Variants in ILDR2 observed in about 807,000 individuals in gnomAD.
ILDR2 encodes the protein immunoglobulin-like domain-containing receptor 2.
In ILDR2, 25 loss-of-function variants were observed where a neutral mutation model predicts 66.8. The ratio of observed to expected loss-of-function variants is 0.37; its 90% CI spans 0.27 to 0.52. The LOEUF (loss-of-function observed/expected upper bound fraction) is 0.52, where lower values mean the gene tolerates loss of function less well. Among genes scored for constraint, ILDR2 ranks in the 20% least tolerant of loss-of-function variants. The pLI is 0.88. For missense variants in ILDR2, 827 were observed against 876.8 expected, an observed-to-expected ratio of 0.94 and a Z score of 0.72; for synonymous variants, 367 against 357.2, an observed-to-expected ratio of 1.03 and a Z score of -0.31.
In ILDR2 at chr1:166,958,400, G is replaced by A. The variant is rs531476986; in HGVS notation, c.47-299C>T. Among the ~76,000 whole-genome samples, 11 of 152,190 alleles carry A rather than the reference G, an allele frequency of 7.2e-5. No individual in the cohort carries two copies. In the South Asian group the frequency reaches 2.1e-3, roughly 29 times the overall value. On this transcript the variant is annotated intron_variant, in intron 1 of 9. Coordinates refer to ENST00000271417, the MANE Select transcript of ILDR2 (RefSeq NM_199351.3). ...GTGCTGTTCTCGTGGTAGGGAGTGA[G>A]TTCTCACGAGATCTGATGGTTTAAA... is the stretch of plus-strand genomic sequence containing the variant.
At position 166,920,734 on chromosome 1, in the gene ILDR2, C is replaced by T; in HGVS notation, c.1857G>A (p.Lys619=). Residue 619 remains lysine (K), a synonymous_variant, in exon 9 of 10, where the codon AAG becomes AAA. Coordinates refer to ENST00000271417, the MANE Select transcript of ILDR2 (RefSeq NM_199351.3). ...DLPYHSNSEK[K]RKKEPAKKTN... ...TTTTCTTGGCGGGCTCCTTTTTCCT[C>T]TTCTTCTCCGAGTTGCTGTGGTAGG... 6.9e-7 allele frequency: 1 copy of T among 1,448,662 alleles called. No individual in the cohort carries two copies. The highest frequency in any genetic ancestry group is 9.1e-7 in the Non-Finnish European group (1 of 1,098,196). 89.7% of individuals were successfully genotyped at this position (1,448,662 alleles called of 1,614,324 possible).
chr1:166,919,239 G>T lies in ILDR2; in HGVS notation c.*116C>A. ...CCATCCCTTGCCAAAGCAGAGATCA[G>T]CAAATCTTCCAAGGTGATGGCCAGA... On this transcript the variant is annotated 3_prime_UTR_variant, in exon 10 of 10. Coordinates refer to ENST00000271417, the MANE Select transcript of ILDR2 (RefSeq NM_199351.3). The T allele has an allele frequency of 3.1e-6, 3 of 980,934 alleles. No homozygotes were observed. The highest frequency in any genetic ancestry group is 4.7e-6 in the Non-Finnish European group (3 of 633,146). The allele number at this position is 980,934 out of a possible 1,614,324, so 60.8% of individuals were successfully genotyped here. A position where few individuals can be genotyped will look rare whatever the true frequency, so the allele number is the denominator to read the frequency against.
chr1:166,954,668 A>G (rs1281488215), intron 3 of ILDR2, among the ~76,000 whole-genome samples: 1 of 152,124 alleles, frequency 6.6e-6, no homozygotes, highest in Non-Finnish European at 1.5e-5. Context: ...CTTTAGAGTA[A>G]TACTGATTTT....
chr1:166,943,714 G>A (rs563508041), intron 3 of ILDR2: 20 of 501,624 alleles, frequency 4.0e-5, no homozygotes, highest in African/African-American at 3.8e-4. Flanking sequence ...ATGAAGGCCT[G>A]ATCTTACAGA....
rs192807006 is a variant in ILDR2 at position 166,928,662 on chromosome 1, C to T, written c.881-1482G>A. ...CCTGGCTGCGGACAAAACCCTCCCACGCAAGCTATTTACATGGAAGATTAA... is the reference window on the plus strand; with the variant it reads ...CCTGGCTGCGGACAAAACCCTCCCATGCAAGCTATTTACATGGAAGATTAA... On this transcript the variant is annotated intron_variant, in intron 6 of 9. Coordinates refer to ENST00000271417, the MANE Select transcript of ILDR2 (RefSeq NM_199351.3). Among the ~76,000 whole-genome samples the T allele has an allele frequency of 9.2e-4, 140 of 152,266 alleles. 3 individuals carry two copies. The highest frequency in any genetic ancestry group is 3.1e-3 in the African/African-American group (129 of 41,538).
At chr1:166,900,883 T>G (rs550774456) in intron 2 of ILDR2, among the ~76,000 whole-genome samples, 1 of 152,230 alleles carries the variant, frequency 6.6e-6, no homozygotes, top group East Asian at 1.9e-4. Context: ...TCCAGTTTAT[T>G]TCTAAGGTTA....
chr1:166,967,136 G>T lies in ILDR2; in HGVS notation c.46+8087C>A, dbSNP rs532528098. On this transcript the variant is annotated intron_variant, in intron 1 of 9. Coordinates refer to ENST00000271417, the MANE Select transcript of ILDR2 (RefSeq NM_199351.3). Reference sequence around the variant, plus strand: ...CCATGTGACTAGGCTCAGGACAAAGGTATGTTAGGAGAAGCGATGTGTGTA... The same window carrying T: ...CCATGTGACTAGGCTCAGGACAAAGTTATGTTAGGAGAAGCGATGTGTGTA... Among the ~76,000 whole-genome samples, 4 of 152,332 alleles carry T rather than the reference G, an allele frequency of 2.6e-5. No homozygotes were observed. In the East Asian group the frequency reaches 7.7e-4, roughly 29 times the overall value.
chr1:166,954,382 A>C (rs779512887), intron 3 of ILDR2, among the ~76,000 whole-genome samples: 44 of 152,216 alleles, frequency 2.9e-4, no homozygotes, highest in Non-Finnish European at 5.7e-4. Flanking sequence ...AAGACTCAGA[A>C]TTTTGTATTT....
At chr1:166,973,763 AG>A (rs1011741855) in intron 1 of ILDR2, among the ~76,000 whole-genome samples, 2 of 152,230 alleles carry the variant, frequency 1.3e-5, no homozygotes, top group African/African-American at 4.8e-5. Flanking sequence ...CTGGGAGGCC[AG>A]GGGAGCGGGG....
At chr1:166,895,988 T>A (rs1571253120) in exon 3 of ILDR2, 1 of 152,248 alleles carries the variant, frequency 6.6e-6, no homozygotes, top group African/African-American at 2.4e-5. Context: ...GAGATAAGAA[T>A]GTTCCTTTGT....
intron 6 of ILDR2, among the ~76,000 whole-genome samples, chr1:166,932,214 G>T (rs1031925220): frequency 1.3e-5 from 2 of 152,222 alleles, no homozygotes; most frequent in Non-Finnish European, 2.9e-5. Context: ...GTCAAAGGAG[G>T]TAATGATTGA....
chr1:166,962,632 C>T (rs1468216450), intron 1 of ILDR2, among the ~76,000 whole-genome samples: 1 of 151,974 alleles, frequency 6.6e-6, no homozygotes, highest in Non-Finnish European at 1.5e-5. Flanking sequence ...CTGGAGATAC[C>T]CTCTCTCTGG....
At chr1:166,947,986 T>A (rs375346551) in intron 3 of ILDR2, among the ~76,000 whole-genome samples, 32 of 152,304 alleles carry the variant, frequency 2.1e-4, no homozygotes, top group African/African-American at 7.7e-4. Context: ...ACGTCATTTA[T>A]GGTTCAAAAA....
chr1:166,971,859 G>C (rs1663316265), intron 1 of ILDR2, among the ~76,000 whole-genome samples: 1 of 152,172 alleles, frequency 6.6e-6, no homozygotes, highest in South Asian at 2.1e-4. Flanking sequence ...ATAATACTTA[G>C]AAATCACAGG....
At chr1:166,942,979 C>T (rs529898021) in intron 3 of ILDR2, among the ~76,000 whole-genome samples, 2 of 152,328 alleles carry the variant, frequency 1.3e-5, no homozygotes, top group South Asian at 4.1e-4. Flanking sequence ...AGACATACAT[C>T]AAGCTTCTCA....
At chr1:166,930,823 T>A (rs1356398409) in intron 6 of ILDR2, among the ~76,000 whole-genome samples, 1 of 152,218 alleles carries the variant, frequency 6.6e-6, no homozygotes, top group Admixed American at 6.5e-5. Context: ...TTTTTCTTGA[T>A]TTGACAGCAA....
At chr1:166,942,652 C>G (rs1661375217) in intron 3 of ILDR2, among the ~76,000 whole-genome samples, 2 of 152,160 alleles carry the variant, frequency 1.3e-5, no homozygotes. Context: ...TGGTAAAACA[C>G]AAAGCTGCAT....
chr1:166,898,191 T>C (rs1440920004), intron 2 of ILDR2, among the ~76,000 whole-genome samples: 1 of 152,164 alleles, frequency 6.6e-6, no homozygotes, highest in Non-Finnish European at 1.5e-5. Flanking sequence ...GAGGAGTCTA[T>C]GGTCTTCAGG....
At chr1:166,907,361 A>G (rs116669790), downstream of ILDR2, among the ~76,000 whole-genome samples, 332 of 152,302 alleles carry the variant, frequency 2.2e-3, 1 homozygote, top group African/African-American at 7.9e-3. Context: ...CCCATGGCCT[A>G]CTGTGACTGA....
Sources: gnomAD v4.1 joint callset for allele counts (sites outside exome capture counted in the v4.1 genomes callset) on GRCh38, gnomAD v4.1.1 for gene constraint, MANE v1.5 for transcripts, NCBI Gene and HGNC (gene_info 2026-07-23, HGNC 2026-07-21) for gene names.